The following LINGO2 variants were observed in gnomAD, a reference collection of about 807,000 sequenced individuals.
LINGO2 encodes the protein leucine-rich repeat and immunoglobulin-like domain-containing nogo receptor-interacting protein 2.
In LINGO2, 14 loss-of-function variants were observed where a neutral mutation model predicts 30.6. That is an observed-to-expected ratio of 0.46 (90% CI 0.30 to 0.72). The LOEUF is 0.72. Among genes scored for constraint, LINGO2 ranks in the 30% least tolerant of loss-of-function variants. The probability of loss-of-function intolerance (pLI) is 0.07; values close to 1 mark genes in which losing one functional copy is unlikely to be tolerated. For missense variants in LINGO2, 729 were observed against 751.7 expected (o/e 0.97, Z 0.35); for synonymous variants, 317 against 288.5 (o/e 1.10, Z -1.00).
chr9:29,115,138 T>C, the LINGO2 span, among the ~76,000 whole-genome samples: 8 of 152,016 alleles, frequency 5.3e-5, no homozygotes, highest in African/African-American at 1.9e-4. Flanking sequence ...GCTAACCCAT[T>C]TGGCAGACAA....
intron 5 of LINGO2, among the ~76,000 whole-genome samples, chr9:27,952,322 A>G (rs1052776051): frequency 6.6e-6 from 1 of 151,996 alleles, no homozygotes; most frequent in African/African-American, 2.4e-5. Flanking sequence ...ATTAAACCCT[A>G]TCAAGAATCA....
the LINGO2 span, among the ~76,000 whole-genome samples, chr9:29,195,940 T>C: frequency 6.6e-6 from 1 of 152,116 alleles, no homozygotes; most frequent in Non-Finnish European, 1.5e-5. Flanking sequence ...GCATCTAGAA[T>C]GGTACTAGTT....
At chr9:28,398,332 A>G (rs192313250) in intron 2 of LINGO2, among the ~76,000 whole-genome samples, 12 of 152,306 alleles carry the variant, frequency 7.9e-5, no homozygotes, top group East Asian at 7.7e-4. Context: ...ATACAAATAT[A>G]TTCATTTTAC....
chr9:28,451,544 T>A (rs1439343331), intron 2 of LINGO2, among the ~76,000 whole-genome samples: 1 of 151,802 alleles, frequency 6.6e-6, no homozygotes, highest in Non-Finnish European at 1.5e-5. Flanking sequence ...ACTCTTTATC[T>A]TGCCACAAAT....
chr9:28,065,807 TAATGAG>T (rs1022144872), intron 4 of LINGO2, among the ~76,000 whole-genome samples: 45 of 152,164 alleles, frequency 3.0e-4, no homozygotes, highest in African/African-American at 1.1e-3. Context: ...TTATCAATCA[TAATGAG>T]AATGAGAATG....
intron 4 of LINGO2, among the ~76,000 whole-genome samples, chr9:28,136,505 G>A (rs914760677): frequency 6.6e-6 from 1 of 152,198 alleles, no homozygotes; most frequent in African/African-American, 2.4e-5. Context: ...TAGCAGGGAT[G>A]CTCAGGATTT....
chr9:28,878,270 C>T, the LINGO2 span, among the ~76,000 whole-genome samples: 1 of 152,094 alleles, frequency 6.6e-6, no homozygotes, highest in Non-Finnish European at 1.5e-5. Flanking sequence ...CACATACACC[C>T]TCCCAAGACT....
chr9:29,029,905 T>A, the LINGO2 span, among the ~76,000 whole-genome samples: 2 of 152,006 alleles, frequency 1.3e-5, no homozygotes, highest in Admixed American at 6.6e-5. Flanking sequence ...CATTCCACGC[T>A]CATTTCACAG....
chr9:28,493,399 T>C (rs936799416), intron 1 of LINGO2, among the ~76,000 whole-genome samples: 2 of 152,126 alleles, frequency 1.3e-5, no homozygotes, highest in African/African-American at 4.8e-5. Context: ...TGAGGATGGA[T>C]ATTCAGTAGG....
At chr9:29,037,513 A>G in the LINGO2 span, among the ~76,000 whole-genome samples, 2 of 150,806 alleles carry the variant, frequency 1.3e-5, no homozygotes, top group Non-Finnish European at 2.9e-5. Flanking sequence ...AAAAACTCAC[A>G]TTGATCAGCG....
At chr9:28,230,413 GT>G (rs749467879) in intron 4 of LINGO2, among the ~76,000 whole-genome samples, 43 of 151,696 alleles carry the variant, frequency 2.8e-4, no homozygotes, top group Non-Finnish European at 5.8e-4. Flanking sequence ...TATCAGGTTT[GT>G]TTTTGAGGTC....
At chr9:28,718,393 A>T in the LINGO2 span, among the ~76,000 whole-genome samples, 7 of 152,036 alleles carry the variant, frequency 4.6e-5, no homozygotes, top group African/African-American at 7.2e-5. Context: ...TGTATAATAC[A>T]TAAACTACAC....
At chr9:28,369,427 C>T (rs2134558637) in intron 3 of LINGO2, among the ~76,000 whole-genome samples, 1 of 152,276 alleles carries the variant, frequency 6.6e-6, no homozygotes, top group African/African-American at 2.4e-5. Context: ...GACACCATTG[C>T]TATAACCACT....
the LINGO2 span, among the ~76,000 whole-genome samples, chr9:29,173,539 A>AGTG: frequency 6.6e-6 from 1 of 152,136 alleles, no homozygotes; most frequent in Non-Finnish European, 1.5e-5. Context: ...AGGAGAAGAA[A>AGTG]AATCAAAAGT....
intron 4 of LINGO2, among the ~76,000 whole-genome samples, chr9:28,245,197 A>G (rs1821953636): frequency 6.6e-6 from 1 of 152,212 alleles, no homozygotes; most frequent in Non-Finnish European, 1.5e-5. Context: ...TGAACCAATG[A>G]TAAAAACCAC....
chr9:28,919,157 T>C, the LINGO2 span, among the ~76,000 whole-genome samples: 1 of 152,204 alleles, frequency 6.6e-6, no homozygotes, highest in African/African-American at 2.4e-5. Context: ...CCACAGAGCA[T>C]CGCCAGATGT....
At chr9:28,960,801 A>G in the LINGO2 span, among the ~76,000 whole-genome samples, 2 of 136,930 alleles carry the variant, frequency 1.5e-5, no homozygotes, top group Non-Finnish European at 3.2e-5. Context: ...TTGCTGAGTC[A>G]TCAGAACAGT....
the LINGO2 span, among the ~76,000 whole-genome samples, chr9:29,003,993 C>A: frequency 1.3e-5 from 2 of 152,106 alleles, no homozygotes; most frequent in Admixed American, 1.3e-4. Context: ...AAAAATGACA[C>A]TTTCTTCCCT....
At chr9:28,215,869 C>T (rs1820749163) in intron 4 of LINGO2, among the ~76,000 whole-genome samples, 1 of 151,762 alleles carries the variant, frequency 6.6e-6, no homozygotes, top group African/African-American at 2.4e-5. Flanking sequence ...GAAAGCCATA[C>T]CTGCAGCAAA....
Sources: allele counts gnomAD v4.1 joint callset (sites outside exome capture counted in the v4.1 genomes callset), GRCh38; gene constraint gnomAD v4.1.1; transcripts MANE v1.5; gene names NCBI Gene and HGNC (gene_info 2026-07-23, HGNC 2026-07-21).